The following HRH1 variants were observed in gnomAD, a reference collection of about 807,000 sequenced individuals.
HRH1 encodes histamine receptor H1.
HRH1 carries 6 observed loss-of-function variants against 10.3 expected under a neutral mutation model. The ratio of observed to expected loss-of-function variants is 0.58; its 90% CI spans 0.32 to 1.15. HRH1 has a LOEUF of 1.15. HRH1 is among the 50% of genes most tolerant of loss of function. The pLI, the probability that HRH1 is intolerant of heterozygous loss-of-function variation, is 0.05. For synonymous variants in HRH1, 242 were observed against 236.7 expected, an observed-to-expected ratio of 1.02 and a Z score of -0.21; for missense variants, 514 against 615.3, an observed-to-expected ratio of 0.84 and a Z score of 1.74.
intron 1 of HRH1, among the ~76,000 whole-genome samples, chr3:11,235,955 G>A (rs1046105373): frequency 1.3e-5 from 2 of 152,020 alleles, no homozygotes; most frequent in Middle Eastern, 3.2e-3. Context: ...TGATGTATGT[G>A]GCCAAAAAAA....
chr3:11,180,497 A>G (rs34540267), intron 1 of HRH1, among the ~76,000 whole-genome samples: 16,622 of 152,160 alleles, frequency 0.11, 1,787 homozygotes, highest in African/African-American at 0.28. Context: ...GGCAGAGCTC[A>G]GGTGGTAATG....
At chr3:11,216,954 C>T (rs1432014950) in intron 1 of HRH1, among the ~76,000 whole-genome samples, 13 of 151,832 alleles carry the variant, frequency 8.6e-5, no homozygotes, top group African/African-American at 2.9e-4. Context: ...GAGGCCGAGG[C>T]GGGCAGATTG....
chr3:11,260,508 C>A lies in HRH1; in HGVS notation c.*7C>A, dbSNP rs1165598392. 1.9e-6 allele frequency: 3 copies of A among 1,565,982 alleles called. No individual in the cohort carries two copies. Among genetic ancestry groups the A allele is most frequent in the Non-Finnish European group, 2.6e-6 (3 of 1,155,676 alleles). On this transcript the variant is annotated 3_prime_UTR_variant, in exon 2 of 2. Transcript: ENST00000431010. ...TCTGCATATTCGCTCCTAAGGGAGG[C>A]TCTGAGGGGATGCAACAAAATGATC...
intron 1 of HRH1, among the ~76,000 whole-genome samples, chr3:11,186,056 G>T (rs1430808398): frequency 6.6e-6 from 1 of 151,972 alleles, no homozygotes; most frequent in African/African-American, 2.4e-5. Context: ...TGCTCCTCCT[G>T]CCCACCTTGC....
chr3:11,181,727 G>A (rs945403972), intron 1 of HRH1, among the ~76,000 whole-genome samples: 1 of 150,180 alleles, frequency 6.7e-6, no homozygotes, highest in African/African-American at 2.5e-5. Flanking sequence ...TGCCTCCCGG[G>A]TTTACAACAT....
chr3:11,183,953 T>C (rs896111849), intron 1 of HRH1, among the ~76,000 whole-genome samples: 2 of 148,618 alleles, frequency 1.3e-5, no homozygotes, highest in African/African-American at 5.0e-5. Flanking sequence ...TGGTCCTTGG[T>C]GCTCAGAGAG....
At chr3:11,249,571 G>C (rs1319817166) in intron 1 of HRH1, among the ~76,000 whole-genome samples, 1 of 152,176 alleles carries the variant, frequency 6.6e-6, no homozygotes, top group African/African-American at 2.4e-5. Context: ...TGGGAAGCTG[G>C]GATAGTAATG....
chr3:11,154,486 C>A, upstream of HRH1: 1 of 366 alleles, frequency 2.7e-3, no homozygotes, highest in South Asian at 3.3e-3. The surrounding 1 kb of genome is among the most constrained non-coding windows in gnomAD (Gnocchi z 4.4). Context: ...CCGCCGCCGC[C>A]CCCGCGACAC....
At chr3:11,188,446 T>G (rs987449572) in intron 1 of HRH1, among the ~76,000 whole-genome samples, 23 of 152,096 alleles carry the variant, frequency 1.5e-4, no homozygotes, top group Admixed American at 1.5e-3. Flanking sequence ...TGGTGGCACC[T>G]TAGAAGGCTG....
At chr3:11,195,965 C>T (rs1048207630) in intron 1 of HRH1, among the ~76,000 whole-genome samples, 3 of 152,198 alleles carry the variant, frequency 2.0e-5, no homozygotes, top group African/African-American at 7.2e-5. Context: ...TTTATGCCCC[C>T]CAGGAAGAGA....
chr3:11,243,206 G>A (rs1239344248), intron 1 of HRH1, among the ~76,000 whole-genome samples: 1 of 152,158 alleles, frequency 6.6e-6, no homozygotes, highest in East Asian at 1.9e-4. Flanking sequence ...GAGCCCCTGC[G>A]CCCGACCCTG....
At chr3:11,183,612 G>A (rs1319508735) in intron 1 of HRH1, among the ~76,000 whole-genome samples, 3 of 152,142 alleles carry the variant, frequency 2.0e-5, no homozygotes, top group South Asian at 4.1e-4. Flanking sequence ...CGGGGCGGCG[G>A]CATGCATGTA....
At chr3:11,243,791 C>T (rs12488101) in intron 1 of HRH1, among the ~76,000 whole-genome samples, 3,928 of 152,298 alleles carry the variant, frequency 0.026, 164 homozygotes, top group African/African-American at 0.086. Context: ...TTCTGACGTC[C>T]GCATTTTGCC....
intron 1 of HRH1, among the ~76,000 whole-genome samples, chr3:11,159,780 T>G (rs1273714092): frequency 6.6e-6 from 1 of 152,234 alleles, no homozygotes; most frequent in African/African-American, 2.4e-5. Flanking sequence ...TTGTTCTTCC[T>G]TGAGTGTTCA....
chr3:11,200,181 G>A (rs983256732), intron 1 of HRH1, among the ~76,000 whole-genome samples: 8 of 152,210 alleles, frequency 5.3e-5, no homozygotes, highest in Non-Finnish European at 1.2e-4. Context: ...ACTGACAGAT[G>A]CAGAGAATGG....
At chr3:11,168,583 C>A (rs563356895) in intron 1 of HRH1, among the ~76,000 whole-genome samples, 2 of 152,228 alleles carry the variant, frequency 1.3e-5, no homozygotes, top group Non-Finnish European at 2.9e-5. Context: ...GCACTGCCGC[C>A]GCACAATGCC....
intron 1 of HRH1, among the ~76,000 whole-genome samples, chr3:11,239,661 A>G (rs1012815305): frequency 1.3e-5 from 2 of 152,170 alleles, no homozygotes; most frequent in South Asian, 4.1e-4. Context: ...TGTGTATGAT[A>G]TAAGGGAAAG....
chr3:11,148,184 A>C (rs796757300), intron 1 of HRH1, among the ~76,000 whole-genome samples: 37 of 119,224 alleles, frequency 3.1e-4, no homozygotes, highest in African/African-American at 9.9e-4. Context: ...GTCAAACAAA[A>C]AAAAAAAAAA....
chr3:11,259,647 T>A lies in HRH1; in HGVS notation c.610T>A (p.Leu204Met). Residue 204 changes from leucine to methionine, a missense_variant, in exon 2 of 2, where the codon TTG (leucine) becomes ATG (methionine). By Grantham distance (15) the Leu-to-Met change is conservative. Transcript: ENST00000431010. The surrounding 1 kb of genome is among the most constrained non-coding windows in gnomAD (Gnocchi z 4.6). ...CATCATCAACTTCTACCTGCCCACCTTGCTCATGCTCTGGTTCTATGCCAA... is the reference window on the plus strand; with the variant it reads ...CATCATCAACTTCTACCTGCCCACCATGCTCATGCTCTGGTTCTATGCCAA... ...TAIINFYLPT[L>M]LMLWFYAKIY... The A allele has an allele frequency of 6.2e-7, 1 of 1,614,104 alleles. No homozygotes were observed.
Sources: gnomAD v4.1 joint callset for allele counts (sites outside exome capture counted in the v4.1 genomes callset) on GRCh38, gnomAD v4.1.1 for gene constraint, Gnocchi (gnomAD v3.1) non-coding constraint, MANE v1.5 for transcripts, NCBI Gene and HGNC (gene_info 2026-07-23, HGNC 2026-07-21) for gene names.